The following KDM1A variants were observed in gnomAD, a reference collection of about 807,000 sequenced individuals.
The protein encoded by KDM1A is lysine demethylase 1A, also known as lysine-specific histone demethylase 1A.
A neutral mutation model predicts 109.4 loss-of-function variants in KDM1A; 49 were observed. The ratio of observed to expected loss-of-function variants is 0.45; its 90% confidence interval spans 0.36 to 0.57. The LOEUF (loss-of-function observed/expected upper bound fraction) is 0.57. Among genes scored for constraint, KDM1A ranks in the 20% least tolerant of loss-of-function variants. KDM1A has a pLI of 0.00. For synonymous variants in KDM1A, 380 were observed against 415.4 expected (o/e 0.91, Z 1.04); for missense variants, 668 against 1,116.6 (o/e 0.60, Z 5.73).
chr1:23,066,194 G>A, intron 10 of KDM1A, 123 bp downstream of exon 10: 1 of 700,794 alleles, frequency 1.4e-6, no homozygotes, highest in Non-Finnish European at 2.4e-6. Flanking sequence ...CTGGTTTGTT[G>A]TTGTAGAGTT....
At chr1:23,081,738 G>T in intron 19 of KDM1A, 165 bp downstream of exon 19, 1 of 788,448 alleles carries the variant, frequency 1.3e-6, no homozygotes, top group Non-Finnish European at 1.9e-6. Context: ...GTGGGGTTCA[G>T]AAAACCCCCC....
Position 23,083,378 on chromosome 1 carries a change from T to C in KDM1A, c.*14T>C. ...CCAAGCATGTGAGACAGATGCATTC[T>C]AAGGGAAGAGGCCCATGTGCCTGTT... On this transcript the variant is annotated 3_prime_UTR_variant, in exon 21 of 21. Transcript: ENST00000400181. 1.2e-6 allele frequency: 2 copies of C among 1,604,036 alleles called. No individual in the cohort carries two copies. Among genetic ancestry groups the C allele is most frequent in the Non-Finnish European group, 1.7e-6 (2 of 1,173,512 alleles).
chr1:23,024,146 A>G (rs1019342089), intron 1 of KDM1A, among the ~76,000 whole-genome samples: 5 of 151,592 alleles, frequency 3.3e-5, no homozygotes, highest in Admixed American at 2.0e-4. Context: ...ACCTCACCCA[A>G]CCAAGATTTT....
chr1:23,048,247 T>C (rs905403596), intron 3 of KDM1A, among the ~76,000 whole-genome samples: 5 of 152,126 alleles, frequency 3.3e-5, no homozygotes, highest in African/African-American at 9.7e-5. Flanking sequence ...CTTGGTGGTT[T>C]TGTTTTGTTT....
At chr1:23,042,654 G>A (rs1184662277) in intron 2 of KDM1A, among the ~76,000 whole-genome samples, 2 of 150,536 alleles carry the variant, frequency 1.3e-5, no homozygotes, top group South Asian at 2.1e-4. Context: ...GGGTTTCACC[G>A]TTTTAGCCGG....
At chr1:23,044,279 G>A in intron 2 of KDM1A, 148 bp from the exon 3 acceptor site, 1 of 668,096 alleles carries the variant, frequency 1.5e-6, no homozygotes, top group Non-Finnish European at 2.6e-6. Flanking sequence ...TAATTCCCTG[G>A]GCCTTGATTC....
intron 2 of KDM1A, among the ~76,000 whole-genome samples, chr1:23,040,622 C>CAAA (rs746000994): frequency 9.7e-6 from 1 of 102,890 alleles, no homozygotes; most frequent in African/African-American, 3.7e-5. Flanking sequence ...CTCGTCTCTA[C>CAAA]AAAAAAAAAA....
chr1:23,031,323 T>G (rs1641974369), intron 2 of KDM1A, among the ~76,000 whole-genome samples: 1 of 152,208 alleles, frequency 6.6e-6, no homozygotes, highest in Non-Finnish European at 1.5e-5. Flanking sequence ...TTTTAATGAA[T>G]TTTTGTATCT....
At chr1:23,061,235 C>T (rs1409586505) in intron 9 of KDM1A, among the ~76,000 whole-genome samples, 1 of 152,172 alleles carries the variant, frequency 6.6e-6, no homozygotes, top group Non-Finnish European at 1.5e-5. Context: ...ACTAACCACA[C>T]TGTTAATTCA....
At position 23,031,034 on chromosome 1, in the gene KDM1A, G is replaced by C. The variant is rs76398507; in HGVS notation, c.517+400G>C. Among the ~76,000 whole-genome samples the C allele has an allele frequency of 1.7e-3, 264 of 152,334 alleles. 3 individuals are homozygous for C. Among genetic ancestry groups the C allele is most frequent in the African/African-American group, 6.0e-3 (248 of 41,578 alleles). ...GATTCAGAAATTGTTCTGGCTAAAT[G>C]ATGTGTTTACCACGTAGTTAGATAC... On this transcript the variant is annotated intron_variant, in intron 2 of 20. Transcript: ENST00000400181.
intron 2 of KDM1A, 58 bp from the exon 3 acceptor site, chr1:23,044,369 C>T: frequency 6.5e-7 from 1 of 1,528,058 alleles, no homozygotes; most frequent in South Asian, 1.2e-5. Context: ...CCTTTATGTC[C>T]AGATATTATC....
chr1:23,060,904 T>A (rs1642980219), intron 9 of KDM1A, among the ~76,000 whole-genome samples: 1 of 152,094 alleles, frequency 6.6e-6, no homozygotes, highest in Non-Finnish European at 1.5e-5. Flanking sequence ...GAAGCAAGTC[T>A]CCAGAGTGGC....
At chr1:23,034,550 A>G (rs1033425204) in intron 2 of KDM1A, among the ~76,000 whole-genome samples, 14 of 152,112 alleles carry the variant, frequency 9.2e-5, no homozygotes, top group South Asian at 2.1e-4. Flanking sequence ...ATTTTCCTCA[A>G]TGAGTTTTGC....
intron 9 of KDM1A, among the ~76,000 whole-genome samples, chr1:23,065,580 G>A (rs1569779027): frequency 6.6e-6 from 1 of 152,328 alleles, no homozygotes; most frequent in Non-Finnish European, 1.5e-5. Flanking sequence ...AATGGATGGG[G>A]CCTGGTGGCT....
At chr1:23,066,849 G>A (rs2124503612) in intron 10 of KDM1A, among the ~76,000 whole-genome samples, 1 of 152,326 alleles carries the variant, frequency 6.6e-6, no homozygotes, top group Admixed American at 6.5e-5. Flanking sequence ...TGCACTAGAA[G>A]TAGCATGTTT....
intron 4 of KDM1A, among the ~76,000 whole-genome samples, chr1:23,053,212 A>C (rs1406180291): frequency 6.6e-6 from 1 of 152,072 alleles, no homozygotes; most frequent in Non-Finnish European, 1.5e-5. Flanking sequence ...TGGATTTGGC[A>C]AGTTACTAGG....
intron 12 of KDM1A, among the ~76,000 whole-genome samples, chr1:23,070,653 A>C (rs1310001814): frequency 6.6e-6 from 1 of 151,804 alleles, no homozygotes; most frequent in East Asian, 1.9e-4. Context: ...CTAAAAATAC[A>C]AAAAATTAGT....
chr1:23,066,073 T>C lies in KDM1A; in HGVS notation c.1179+2T>C. On this transcript the variant is annotated splice_donor_variant, in intron 10 of 20. Coordinates refer to ENST00000400181, the MANE Select transcript of KDM1A (RefSeq NM_001009999.3). LOFTEE classifies it high-confidence loss of function. The stretch of plus-strand genomic sequence containing the variant: ...ACTGGTTAAAAGGACACTGTCAAGG[T>C]ATTTTTTTCATAATTTTTCAAATCA... 6.3e-7 allele frequency: 1 copy of C among 1,585,930 alleles called. No homozygotes were observed. Among genetic ancestry groups the C allele is most frequent in the Admixed American group, 1.7e-5 (1 of 59,794 alleles).
At chr1:23,040,433 A>G (rs956554393) in intron 2 of KDM1A, among the ~76,000 whole-genome samples, 1 of 152,208 alleles carries the variant, frequency 6.6e-6, no homozygotes, top group Non-Finnish European at 1.5e-5. Flanking sequence ...AAAGGCTGTT[A>G]TGTAAGATAA....
Sources: gnomAD v4.1 joint callset for allele counts (sites outside exome capture counted in the v4.1 genomes callset) on GRCh38, gnomAD v4.1.1 for gene constraint, MANE v1.5 for transcripts, NCBI Gene and HGNC (gene_info 2026-07-23, HGNC 2026-07-21) for gene names.